The following LUC7L variants were observed in gnomAD, a reference collection of about 807,000 sequenced individuals.
The protein encoded by LUC7L is putative RNA-binding protein Luc7-like 1.
LUC7L carries 29 observed loss-of-function variants against 51.1 expected under a neutral mutation model. The observed-to-expected ratio is 0.57, with a 90% confidence interval of 0.42 to 0.77. LUC7L has a LOEUF of 0.77. Ranked by LOEUF, LUC7L falls within the 30% of genes least tolerant of loss-of-function variation. LUC7L has a pLI of 0.00. For synonymous variants in LUC7L, 181 were observed against 180.7 expected (o/e 1.00, Z -0.01); for missense variants, 403 against 511.9 (o/e 0.79, Z 2.05).
At chr16:204,220 G>C (rs1049268827) in intron 5 of LUC7L, among the ~76,000 whole-genome samples, 1 of 151,434 alleles carries the variant, frequency 6.6e-6, no homozygotes, top group African/African-American at 2.4e-5. Context: ...AAGGCAGACG[G>C]ATCACCTGAG....
intron 3 of LUC7L, chr16:208,618 G>A (rs776974810): frequency 5.0e-5 from 50 of 993,498 alleles, no homozygotes; most frequent in Non-Finnish European, 5.9e-5. Context: ...TGTGAGCCAC[G>A]TAAATATTAT....
At chr16:194,531 G>GT (rs759974445) in intron 6 of LUC7L, among the ~76,000 whole-genome samples, 1 of 152,168 alleles carries the variant, frequency 6.6e-6, no homozygotes, top group African/African-American at 2.4e-5. Flanking sequence ...AAACTTTATG[G>GT]TAAAAAAGGA....
At chr16:220,066 C>T (rs1020169750) in intron 3 of LUC7L, 3 of 152,196 alleles carry the variant, frequency 2.0e-5, no homozygotes, top group African/African-American at 7.2e-5. Flanking sequence ...AAGAAGACAA[C>T]ATTACAAAAT....
intron 3 of LUC7L, chr16:209,279 C>T (rs1169244955): frequency 1.3e-5 from 2 of 152,124 alleles, no homozygotes; most frequent in Non-Finnish European, 2.9e-5. Context: ...TCCATGAGGT[C>T]AGAGGTTCAA....
chr16:189,824 C>T, intron 9 of LUC7L, 144 bp downstream of exon 9: 1 of 1,446,216 alleles, frequency 6.9e-7, no homozygotes, highest in South Asian at 1.4e-5. Context: ...CTTCCCACAC[C>T]TGAGTCCCGT....
At chr16:217,070 G>A (rs908947921) in intron 3 of LUC7L, among the ~76,000 whole-genome samples, 1 of 151,942 alleles carries the variant, frequency 6.6e-6, no homozygotes, top group Non-Finnish European at 1.5e-5. Flanking sequence ...AGAATAAAGT[G>A]CAATGGTGTG....
At chr16:200,901 T>C (rs1367085771) in intron 5 of LUC7L, among the ~76,000 whole-genome samples, 2 of 151,508 alleles carry the variant, frequency 1.3e-5, no homozygotes, top group African/African-American at 2.4e-5. Context: ...TTAAAAAAAA[T>C]AGGCTGGGCA....
intron 2 of LUC7L, 35 bp from the exon 3 acceptor site, chr16:220,782 G>T (rs1255126797): frequency 1.4e-6 from 2 of 1,402,614 alleles, no homozygotes; most frequent in Admixed American, 1.7e-5. Context: ...AGACCTCAGT[G>T]CCTACCTACT....
chr16:195,477 G>A (rs527548554), intron 6 of LUC7L, among the ~76,000 whole-genome samples: 23 of 152,224 alleles, frequency 1.5e-4, no homozygotes, highest in African/African-American at 5.5e-4. Flanking sequence ...AGGTTGGAGT[G>A]TAGTGTCGTG....
At chr16:203,935 G>A (rs1216418980) in intron 5 of LUC7L, among the ~76,000 whole-genome samples, 2 of 151,746 alleles carry the variant, frequency 1.3e-5, no homozygotes, top group Non-Finnish European at 2.9e-5. Flanking sequence ...AGAATCGCTT[G>A]AGCCCGGGAG....
chr16:199,865 C>A (rs2049272124), intron 5 of LUC7L, among the ~76,000 whole-genome samples: 1 of 151,794 alleles, frequency 6.6e-6, no homozygotes, highest in African/African-American at 2.4e-5. Context: ...TGGCACATGC[C>A]TGTAGTCCCA....
At position 227,817 on chromosome 16, in the gene LUC7L, A is replaced by G. The variant is rs147743576; in HGVS notation, c.62-481T>C. The G allele has an allele frequency of 5.0e-5, 50 of 1,001,284 alleles. No homozygotes were observed. In the East Asian group the frequency reaches 7.2e-4, roughly 14 times the overall value. 62.0% of individuals were successfully genotyped at this position (1,001,284 alleles called of 1,614,324 possible). A position where few individuals can be genotyped will look rare whatever the true frequency, so the allele number is the denominator to read the frequency against. On this transcript the variant is annotated intron_variant, in intron 1 of 9. Transcript: ENST00000293872. ...ATGAAGAAGAAAGCTTTCAAACTCT[A>G]TCGAAGACTGTTAAATAATCTAGAT... is the stretch of plus-strand genomic sequence containing the variant.
chr16:192,833 G>A, intron 7 of LUC7L, 94 bp downstream of exon 7: 1 of 1,092,344 alleles, frequency 9.2e-7, no homozygotes, highest in Non-Finnish European at 1.4e-6. Flanking sequence ...GGCCTATTGG[G>A]CAGGCCCTGC....
At chr16:212,681 A>G (rs963979695) in intron 3 of LUC7L, among the ~76,000 whole-genome samples, 2 of 152,212 alleles carry the variant, frequency 1.3e-5, no homozygotes, top group Admixed American at 6.5e-5. Flanking sequence ...TCAAAACATC[A>G]CATGGCCAGA....
In LUC7L at chr16:190,080, G is replaced by A. The variant is rs375476930; in HGVS notation, c.862C>T (p.Arg288Trp). The change falls in exon 9 of 10, where the codon CGG becomes TGG. Residue 288 changes from arginine to tryptophan, a missense_variant. By Grantham distance (101) the Arg-to-Trp change is moderately radical (BLOSUM62 -3). Coordinates refer to ENST00000293872, the MANE Select transcript of LUC7L (RefSeq NM_201412.3). ...RRSRSTSRER[R>W]KLSRSRSRDR... The stretch of plus-strand genomic sequence containing the variant: ...CGGGACCGGGACCGGGACAATTTCC[G>A]TCGCTCTCGGGAGGTAGATCTTGAC... 1.1e-5 allele frequency: 18 copies of A among 1,613,338 alleles called. No individual in the cohort carries two copies. The highest frequency in any genetic ancestry group is 3.3e-5 in the Admixed American group (2 of 59,970).
rs184516407 is a variant in LUC7L, at chr16:229,417, G to T, written c.-78C>A. 4.6e-6 allele frequency: 6 copies of T among 1,305,526 alleles called. No individual in the cohort carries two copies. The highest frequency in any genetic ancestry group is 6.1e-6 in the Non-Finnish European group (6 of 984,214). The allele number at this position is 1,305,526 out of a possible 1,614,324, so 80.9% of individuals were successfully genotyped here. ...GGTGGCAGCGGCGTCGACAAACGAT[G>T]GTCGCGTCGGCCTCGAGCCCACTCG... On this transcript the variant is annotated 5_prime_UTR_variant, in exon 1 of 10. Transcript: ENST00000293872.
In LUC7L at chr16:206,073, A is replaced by T; in HGVS notation, c.441T>A (p.Gly147=). The change falls in exon 5 of 10, where the codon GGT becomes GGA. Residue 147 remains glycine (G), a synonymous_variant. Coordinates refer to ENST00000293872, the MANE Select transcript of LUC7L (RefSeq NM_201412.3). Reference sequence around the variant, plus strand: ...GAATCTTCTGGGATTCATCCACATTACCTTCAGCCCCTAGCTGTTCGGCTT... The same window carrying T: ...GAATCTTCTGGGATTCATCCACATTTCCTTCAGCCCCTAGCTGTTCGGCTT... The part of the protein sequence containing the change: ...LAKAEQLGAE[G]NVDESQKILM... 6.2e-7 allele frequency: 1 copy of T among 1,613,614 alleles called. No homozygotes were observed. The highest frequency in any genetic ancestry group is 8.5e-7 in the Non-Finnish European group (1 of 1,179,868).
In LUC7L at chr16:220,698, G is replaced by A. The variant is rs772144595; in HGVS notation, c.206C>T (p.Ala69Val). The change falls in exon 3 of 10, where the codon GCA becomes GTA. Residue 69 changes from alanine to valine, a missense_variant. Physicochemically the swap from Ala to Val is moderately conservative, Grantham distance 64 (BLOSUM62 0). This residue lies in a region of LUC7L where 182 missense variants were observed against 248.4 expected (regional missense o/e 0.73). Transcript: ENST00000293872. Reference protein sequence around the residue: ...CTKIHDLALRADYEIASKERD... With the variant: ...CTKIHDLALRVDYEIASKERD... ...TTCTTTACTTGCAATCTCATAATCT[G>A]CTCGGAGGGCCAAGTCGTGGATTTT... 6.2e-7 allele frequency: 1 copy of A among 1,613,860 alleles called. No individual in the cohort carries two copies. The highest frequency in any genetic ancestry group is 8.5e-7 in the Non-Finnish European group (1 of 1,179,954).
intron 3 of LUC7L, among the ~76,000 whole-genome samples, chr16:218,019 A>G (rs575179907): frequency 4.8e-4 from 66 of 136,126 alleles, no homozygotes; most frequent in Non-Finnish European, 7.5e-4. Context: ...GAGCAAAACT[A>G]TATCTCCAAA....
Sources: allele counts gnomAD v4.1 joint callset (sites outside exome capture counted in the v4.1 genomes callset), GRCh38; gene constraint gnomAD v4.1.1; regional missense constraint gnomAD v4.1.1; transcripts MANE v1.5; gene names NCBI Gene and HGNC (gene_info 2026-07-23, HGNC 2026-07-21).